The following RAPGEF6 variants were observed in gnomAD, a reference collection of about 807,000 sequenced individuals.
RAPGEF6 encodes the protein PDZ domain containing guanine nucleotide exchange factor (GEF) 2.
In RAPGEF6, 56 loss-of-function variants were observed where a neutral mutation model predicts 171.4. That is an observed-to-expected ratio of 0.33 (90% CI 0.26 to 0.41). The LOEUF is 0.41. Ranked by LOEUF, RAPGEF6 falls within the 10% of genes least tolerant of loss-of-function variation. The pLI is 1.00. For synonymous variants in RAPGEF6, 692 were observed against 650.1 expected, an observed-to-expected ratio of 1.06 and a Z score of -0.98; for missense variants, 1,674 against 1,921.4, an observed-to-expected ratio of 0.87 and a Z score of 2.41.
chr5:131,538,152 G>A (rs1331828322), intron 6 of RAPGEF6, among the ~76,000 whole-genome samples: 1 of 151,706 alleles, frequency 6.6e-6, no homozygotes, highest in African/African-American at 2.4e-5. Flanking sequence ...ACAAATTTCA[G>A]TATAGCAACT....
chr5:131,549,198 AT>A (rs1303575444), intron 5 of RAPGEF6, among the ~76,000 whole-genome samples: 3 of 149,574 alleles, frequency 2.0e-5, no homozygotes, highest in Non-Finnish European at 4.5e-5. Flanking sequence ...TAAATTAACT[AT>A]TTTTATAAAG....
intron 1 of RAPGEF6, among the ~76,000 whole-genome samples, chr5:131,628,140 A>G (rs1266208562): frequency 6.6e-6 from 1 of 152,220 alleles, no homozygotes; most frequent in Non-Finnish European, 1.5e-5. Flanking sequence ...ACTTTAAATC[A>G]AAAGCTAGAA....
chr5:131,618,721 T>C (rs988274029), intron 1 of RAPGEF6, among the ~76,000 whole-genome samples: 1 of 152,182 alleles, frequency 6.6e-6, no homozygotes, highest in Non-Finnish European at 1.5e-5. Context: ...AATGCTAAAA[T>C]CACAAGGTAA....
intron 6 of RAPGEF6, among the ~76,000 whole-genome samples, chr5:131,528,582 T>A (rs1759148567): frequency 6.6e-6 from 1 of 151,928 alleles, no homozygotes; most frequent in African/African-American, 2.4e-5. Flanking sequence ...AGTTTTTCAA[T>A]TCTAAGACAA....
chr5:131,523,016 T>C (rs1416107813), intron 6 of RAPGEF6, among the ~76,000 whole-genome samples: 2 of 152,182 alleles, frequency 1.3e-5, no homozygotes, highest in Admixed American at 6.5e-5. Flanking sequence ...TAGGTCTCAA[T>C]TAAAAAAATT....
chr5:131,495,032 C>T (rs1290770851), intron 13 of RAPGEF6, among the ~76,000 whole-genome samples: 6 of 152,112 alleles, frequency 3.9e-5, no homozygotes, highest in Admixed American at 1.3e-4. Context: ...GTGGCTCAGA[C>T]GCCTGTAATC....
chr5:131,613,071 TC>T (rs1237250436), intron 1 of RAPGEF6, among the ~76,000 whole-genome samples: 11 of 152,198 alleles, frequency 7.2e-5, no homozygotes, highest in Non-Finnish European at 1.5e-4. Context: ...GAACATGTAG[TC>T]CTTCACAACA....
intron 4 of RAPGEF6, among the ~76,000 whole-genome samples, chr5:131,563,240 GA>G (rs549097620): frequency 3.3e-5 from 5 of 150,010 alleles, no homozygotes; most frequent in East Asian, 3.9e-4. Flanking sequence ...TAACCAAATG[GA>G]AAAAAAACAT....
chr5:131,449,912 C>A, intron 21 of RAPGEF6: 12 of 1,181,996 alleles, frequency 1.0e-5, no homozygotes, highest in Non-Finnish European at 1.4e-5. Context: ...TGTAGGCTGA[C>A]AGGGTTAATA....
chr5:131,582,063 CCACCACCATT>C (rs1199399268), intron 4 of RAPGEF6, among the ~76,000 whole-genome samples: 2 of 152,132 alleles, frequency 1.3e-5, no homozygotes, highest in African/African-American at 4.8e-5. Flanking sequence ...AATGATAATC[CCACCACCATT>C]CACTGACTCC....
chr5:131,515,443 T>C (rs1044049902), intron 7 of RAPGEF6, among the ~76,000 whole-genome samples: 1 of 152,210 alleles, frequency 6.6e-6, no homozygotes, highest in Non-Finnish European at 1.5e-5. Context: ...AAGCCAATAT[T>C]GGTTTCTACT....
intron 24 of RAPGEF6, among the ~76,000 whole-genome samples, chr5:131,438,633 C>T (rs975968708): frequency 2.0e-5 from 3 of 152,172 alleles, no homozygotes; most frequent in Non-Finnish European, 2.9e-5. Flanking sequence ...ATAAGAAATA[C>T]ACACCATATT....
At chr5:131,549,201 T>A (rs1044701548) in intron 5 of RAPGEF6, among the ~76,000 whole-genome samples, 3 of 152,212 alleles carry the variant, frequency 2.0e-5, no homozygotes, top group Non-Finnish European at 4.4e-5. Context: ...ATTAACTATT[T>A]TTATAAAGGT....
intron 4 of RAPGEF6, among the ~76,000 whole-genome samples, chr5:131,582,447 T>C (rs1427691832): frequency 6.6e-6 from 1 of 152,122 alleles, no homozygotes. Flanking sequence ...TTGGTTTAAA[T>C]AGATCACACA....
chr5:131,587,992 CT>C (rs201414978), intron 4 of RAPGEF6, among the ~76,000 whole-genome samples: 1,855 of 142,146 alleles, frequency 0.013, 10 homozygotes, highest in African/African-American at 0.025. Flanking sequence ...AGCAATGTAG[CT>C]TTTTTTTTTT....
intron 22 of RAPGEF6, among the ~76,000 whole-genome samples, chr5:131,446,128 T>C (rs1752674216): frequency 1.3e-5 from 2 of 152,222 alleles, no homozygotes; most frequent in South Asian, 2.1e-4. Context: ...TATTTTCTAG[T>C]TGGTAAATAT....
intron 3 of RAPGEF6, among the ~76,000 whole-genome samples, chr5:131,602,211 AC>A (rs1764298828): frequency 6.6e-6 from 1 of 152,200 alleles, no homozygotes; most frequent in Admixed American, 6.5e-5. Flanking sequence ...CTTAACACAA[AC>A]CTAGAAGATG....
chr5:131,634,742 G>A (rs1173760002), intron 1 of RAPGEF6, among the ~76,000 whole-genome samples: 5 of 152,190 alleles, frequency 3.3e-5, no homozygotes, highest in Non-Finnish European at 7.3e-5. Context: ...GAAGCCCCCG[G>A]CAAGGACGGG....
At chr5:131,549,450 T>C (rs949135481) in intron 5 of RAPGEF6, among the ~76,000 whole-genome samples, 2 of 152,184 alleles carry the variant, frequency 1.3e-5, no homozygotes, top group Non-Finnish European at 2.9e-5. Context: ...TCTATATATG[T>C]CATGTATTTT....
Sources: gnomAD v4.1 joint callset for allele counts (sites outside exome capture counted in the v4.1 genomes callset) on GRCh38, gnomAD v4.1.1 for gene constraint, MANE v1.5 for transcripts, NCBI Gene and HGNC (gene_info 2026-07-23, HGNC 2026-07-21) for gene names.